Variants in NR2F1-AS1 observed in about 807,000 individuals in gnomAD.
NR2F1-AS1 encodes NR2F1 antisense RNA 1.
chr5:93,484,638 T>C (rs1160622968), intron 4 of NR2F1-AS1, among the ~76,000 whole-genome samples: 3 of 152,096 alleles, frequency 2.0e-5, no homozygotes, highest in Non-Finnish European at 4.4e-5. Flanking sequence ...AATTCCCCTC[T>C]TAAAAGACAC....
chr5:93,584,102 C>G (rs1306134171), upstream of NR2F1-AS1: 1 of 151,180 alleles, frequency 6.6e-6, no homozygotes, highest in African/African-American at 2.4e-5. Context: ...GCCCAGCGCC[C>G]TGCTCGGCTC....
At chr5:93,429,544 T>C (rs1252935480) in intron 4 of NR2F1-AS1, among the ~76,000 whole-genome samples, 1 of 152,222 alleles carries the variant, frequency 6.6e-6, no homozygotes, top group Non-Finnish European at 1.5e-5. Context: ...ACACATTTAA[T>C]TTATTCTATT....
chr5:93,572,505 C>T (rs891637143), intron 1 of NR2F1-AS1, among the ~76,000 whole-genome samples: 11 of 152,198 alleles, frequency 7.2e-5, no homozygotes, highest in African/African-American at 2.4e-4. Context: ...CGGCTGGCTC[C>T]CCGTCCCTCC....
intron 4 of NR2F1-AS1, among the ~76,000 whole-genome samples, chr5:93,529,776 C>T (rs1022746266): frequency 6.6e-6 from 1 of 151,982 alleles, no homozygotes; most frequent in Non-Finnish European, 1.5e-5. Flanking sequence ...AAAGGAAACG[C>T]TATTTTCTGT....
intron 4 of NR2F1-AS1, among the ~76,000 whole-genome samples, chr5:93,458,136 G>A (rs1224048388): frequency 6.6e-6 from 1 of 152,158 alleles, no homozygotes; most frequent in East Asian, 1.9e-4. Context: ...GAAAGAAAGA[G>A]ACACAAAGTA....
chr5:93,425,269 C>T (rs1209814918), intron 4 of NR2F1-AS1, among the ~76,000 whole-genome samples: 1 of 152,148 alleles, frequency 6.6e-6, no homozygotes, highest in African/African-American at 2.4e-5. Context: ...GCATGTTTAG[C>T]AGTTCGATGA....
At chr5:93,513,269 T>C (rs1010863777) in intron 4 of NR2F1-AS1, among the ~76,000 whole-genome samples, 2 of 152,126 alleles carry the variant, frequency 1.3e-5, no homozygotes, top group Admixed American at 1.3e-4. Context: ...TTCTCAAAAA[T>C]CTTAAAACAG....
intron 4 of NR2F1-AS1, among the ~76,000 whole-genome samples, chr5:93,488,753 T>C (rs945266071): frequency 3.3e-5 from 5 of 152,212 alleles, no homozygotes; most frequent in African/African-American, 1.2e-4. Flanking sequence ...ACTGGGTATA[T>C]ACCCAAAGTA....
chr5:93,516,332 A>G (rs1240979782), intron 4 of NR2F1-AS1, among the ~76,000 whole-genome samples: 1 of 151,930 alleles, frequency 6.6e-6, no homozygotes, highest in African/African-American at 2.4e-5. Flanking sequence ...GACAACAGAC[A>G]AAACAGTTGA....
At chr5:93,479,825 T>C (rs1323016455) in intron 4 of NR2F1-AS1, among the ~76,000 whole-genome samples, 1 of 150,510 alleles carries the variant, frequency 6.6e-6, no homozygotes, top group Non-Finnish European at 1.5e-5. Context: ...GTAAGAAATA[T>C]CAATAAAGGA....
intron 1 of NR2F1-AS1, among the ~76,000 whole-genome samples, chr5:93,568,794 C>T (rs1435245915): frequency 6.6e-6 from 1 of 152,052 alleles, no homozygotes; most frequent in Admixed American, 6.5e-5. Flanking sequence ...GTTGCTGCTA[C>T]TGATGAACTG....
intron 1 of NR2F1-AS1, among the ~76,000 whole-genome samples, chr5:93,577,871 C>G (rs970773836): frequency 2.0e-5 from 3 of 152,070 alleles, no homozygotes; most frequent in Non-Finnish European, 2.9e-5. Context: ...AGAATAATAC[C>G]ATTTTTAACG....
chr5:93,460,427 T>C (rs1750063255), intron 4 of NR2F1-AS1, among the ~76,000 whole-genome samples: 1 of 152,130 alleles, frequency 6.6e-6, no homozygotes, highest in Non-Finnish European at 1.5e-5. Context: ...ATTAATAGCA[T>C]GGAAGTTACA....
intron 4 of NR2F1-AS1, among the ~76,000 whole-genome samples, chr5:93,445,412 C>T (rs1749676505): frequency 2.0e-5 from 3 of 152,036 alleles, no homozygotes; most frequent in Non-Finnish European, 2.9e-5. Context: ...GAGAATACTA[C>T]AAACACCTCT....
At chr5:93,483,198 G>A (rs62369931) in intron 4 of NR2F1-AS1, among the ~76,000 whole-genome samples, 21,303 of 152,010 alleles carry the variant, frequency 0.14, 1,856 homozygotes, top group Admixed American at 0.24. Context: ...ATACAGGAGC[G>A]CTCTGGCTGG....
intron 4 of NR2F1-AS1, chr5:93,542,055 T>C (rs770252698): frequency 6.6e-6 from 1 of 150,418 alleles, no homozygotes. Context: ...TTATTCATTG[T>C]GCATTTTGTG....
At chr5:93,418,294 A>G (rs1349754521) in intron 4 of NR2F1-AS1, among the ~76,000 whole-genome samples, 1 of 152,202 alleles carries the variant, frequency 6.6e-6, no homozygotes, top group Non-Finnish European at 1.5e-5. Flanking sequence ...TCTCATAGCT[A>G]TTCTCCATAA....
chr5:93,465,873 T>C (rs1488754430), intron 4 of NR2F1-AS1, among the ~76,000 whole-genome samples: 1 of 148,632 alleles, frequency 6.7e-6, no homozygotes, highest in African/African-American at 2.5e-5. Flanking sequence ...GAACTGAACA[T>C]TGAGAACACT....
At chr5:93,422,655 G>A (rs1188946343) in intron 4 of NR2F1-AS1, among the ~76,000 whole-genome samples, 2 of 152,020 alleles carry the variant, frequency 1.3e-5, no homozygotes, top group African/African-American at 2.4e-5. Context: ...AAAACAAGTG[G>A]AAAGGAATCT....
Sources: allele counts gnomAD v4.1 joint callset (sites outside exome capture counted in the v4.1 genomes callset), GRCh38; gene constraint gnomAD v4.1.1; transcripts MANE v1.5; gene names NCBI Gene and HGNC (gene_info 2026-07-23, HGNC 2026-07-21).